The following CTNNA3 variants were observed in gnomAD, a reference collection of about 807,000 sequenced individuals.
The protein encoded by CTNNA3 is catenin alpha-3.
A neutral mutation model predicts 95.7 loss-of-function variants in CTNNA3; 76 were observed. The observed-to-expected ratio is 0.79, with a 90% CI of 0.66 to 0.96. The LOEUF (loss-of-function observed/expected upper bound fraction) is 0.96. CTNNA3 is among the 40% of genes least tolerant of loss of function. CTNNA3 has a pLI of 0.00. For missense variants in CTNNA3, 1,191 were observed against 1,089.8 expected, an observed-to-expected ratio of 1.09 and a Z score of -1.31; for synonymous variants, 431 against 374.4, an observed-to-expected ratio of 1.15 and a Z score of -1.74.
At chr10:67,553,744 T>C (rs1841117477) in intron 3 of CTNNA3, among the ~76,000 whole-genome samples, 1 of 151,922 alleles carries the variant, frequency 6.6e-6, no homozygotes. Flanking sequence ...AAATGACCAG[T>C]CATCTTTTTT....
chr10:66,196,744 C>T (rs2086981709), intron 13 of CTNNA3, among the ~76,000 whole-genome samples: 1 of 152,152 alleles, frequency 6.6e-6, no homozygotes, highest in Admixed American at 6.5e-5. Flanking sequence ...GCTATTATGG[C>T]TCCTGGCAGG....
chr10:67,217,178 T>G (rs1306339796), intron 6 of CTNNA3, among the ~76,000 whole-genome samples: 1 of 152,222 alleles, frequency 6.6e-6, no homozygotes, highest in Non-Finnish European at 1.5e-5. Context: ...ATTTACTTCA[T>G]AGTATTATAT....
At chr10:67,227,487 T>C (rs924668305) in intron 5 of CTNNA3, among the ~76,000 whole-genome samples, 5 of 152,172 alleles carry the variant, frequency 3.3e-5, no homozygotes, top group African/African-American at 1.2e-4. Flanking sequence ...AAAGGCCTTG[T>C]CCAACAGGAC....
intron 9 of CTNNA3, among the ~76,000 whole-genome samples, chr10:66,645,904 C>T (rs1192147530): frequency 6.6e-6 from 1 of 152,168 alleles, no homozygotes; most frequent in Non-Finnish European, 1.5e-5. Flanking sequence ...CTATTCTGTT[C>T]CATTGATCTA....
chr10:67,230,921 C>T (rs992231179), intron 5 of CTNNA3, among the ~76,000 whole-genome samples: 4 of 152,144 alleles, frequency 2.6e-5, no homozygotes, highest in African/African-American at 9.7e-5. Flanking sequence ...ACAGACCGCA[C>T]CTGGAAGATC....
At chr10:67,204,751 G>A (rs1383077469) in intron 6 of CTNNA3, among the ~76,000 whole-genome samples, 1 of 152,086 alleles carries the variant, frequency 6.6e-6, no homozygotes, top group Non-Finnish European at 1.5e-5. Context: ...TAGACACAAG[G>A]TCAGCTATGC....
chr10:66,100,547 C>T (rs1048433662), intron 14 of CTNNA3, among the ~76,000 whole-genome samples: 2 of 152,090 alleles, frequency 1.3e-5, no homozygotes, highest in Non-Finnish European at 2.9e-5. Flanking sequence ...AGCGGCATTC[C>T]GAATGAACTG....
chr10:66,237,938 T>C (rs1208702264), intron 13 of CTNNA3, among the ~76,000 whole-genome samples: 4 of 152,120 alleles, frequency 2.6e-5, no homozygotes, highest in Non-Finnish European at 5.9e-5. Context: ...ATTTATTCTA[T>C]GCATTTTCAA....
chr10:66,963,345 T>C lies in CTNNA3; in HGVS notation c.1048-187821A>G, dbSNP rs565442520. Among the ~76,000 whole-genome samples, 5 of 152,290 alleles carry C rather than the reference T, an allele frequency of 3.3e-5. No homozygotes were observed. The South Asian group carries it at 1.0e-3, about 32-fold the overall frequency. The stretch of plus-strand genomic sequence containing the variant: ...GGGAAATTATTTACCTCTATAAGCC[T>C]CAGTTATTTGCTTGTAGTATGGAAA... On this transcript the variant is annotated intron_variant, in intron 7 of 17. Transcript: ENST00000433211.
At chr10:67,261,464 A>T (rs1468460944) in intron 5 of CTNNA3, among the ~76,000 whole-genome samples, 1 of 152,152 alleles carries the variant, frequency 6.6e-6, no homozygotes. Context: ...GCCAAGAGTG[A>T]GGCATTTTGC....
chr10:67,699,265 G>A (rs1340069991), upstream of CTNNA3, among the ~76,000 whole-genome samples: 1 of 151,890 alleles, frequency 6.6e-6, no homozygotes, highest in Non-Finnish European at 1.5e-5. Flanking sequence ...TTAGTTCTCT[G>A]TGCCTTCATC....
chr10:66,347,551 C>G (rs2092532907), intron 12 of CTNNA3, among the ~76,000 whole-genome samples: 1 of 151,710 alleles, frequency 6.6e-6, no homozygotes, highest in South Asian at 2.1e-4. Flanking sequence ...AAGGTAGAGG[C>G]CACAGTAAGC....
At chr10:66,754,287 G>A (rs1164709557) in intron 9 of CTNNA3, among the ~76,000 whole-genome samples, 1 of 152,094 alleles carries the variant, frequency 6.6e-6, no homozygotes, top group African/African-American at 2.4e-5. Context: ...TTCAAGAAAT[G>A]AGCTGGAATA....
chr10:66,043,913 TGTTA>T (rs1236155440), intron 15 of CTNNA3, among the ~76,000 whole-genome samples: 1 of 151,982 alleles, frequency 6.6e-6, no homozygotes, highest in East Asian at 1.9e-4. Context: ...GACATCAAGA[TGTTA>T]GTTAATTAGG....
At chr10:66,346,387 T>A (rs1409117321) in intron 12 of CTNNA3, among the ~76,000 whole-genome samples, 3 of 151,412 alleles carry the variant, frequency 2.0e-5, no homozygotes, top group Non-Finnish European at 4.4e-5. Context: ...CAAGCAATTA[T>A]CCTGCGTCAG....
intron 9 of CTNNA3, among the ~76,000 whole-genome samples, chr10:66,752,914 G>A (rs1301115767): frequency 6.6e-6 from 1 of 151,986 alleles, no homozygotes; most frequent in African/African-American, 2.4e-5. Flanking sequence ...AATCTGCCAT[G>A]TGACTCCTGA....
At chr10:67,217,985 T>A (rs1280355257) in intron 6 of CTNNA3, among the ~76,000 whole-genome samples, 2 of 152,210 alleles carry the variant, frequency 1.3e-5, no homozygotes, top group African/African-American at 4.8e-5. Flanking sequence ...TTTAAAATGT[T>A]GTATAAAATT....
At chr10:67,092,260 C>T (rs569552383) in intron 7 of CTNNA3, among the ~76,000 whole-genome samples, 3 of 151,884 alleles carry the variant, frequency 2.0e-5, no homozygotes, top group South Asian at 2.1e-4. Flanking sequence ...GGGAAGATTT[C>T]CCCTGTGATA....
intron 7 of CTNNA3, among the ~76,000 whole-genome samples, chr10:66,851,633 TACACAC>T (rs35986426): frequency 3.1e-4 from 45 of 144,486 alleles, no homozygotes; most frequent in Middle Eastern, 3.5e-3. Flanking sequence ...TTCTCTCACA[TACACAC>T]ACACACACAC....
Sources: allele counts gnomAD v4.1 joint callset (sites outside exome capture counted in the v4.1 genomes callset), GRCh38; gene constraint gnomAD v4.1.1; transcripts MANE v1.5; gene names NCBI Gene and HGNC (gene_info 2026-07-23, HGNC 2026-07-21).